PTPRD: variants seen among roughly 807,000 people sequenced by gnomAD.
The protein encoded by PTPRD is protein tyrosine phosphatase receptor type D.
Under a neutral mutation model 214.5 loss-of-function variants are expected in PTPRD, and 34 were observed. That is an observed-to-expected ratio of 0.16 (90% CI 0.12 to 0.21). The LOEUF (loss-of-function observed/expected upper bound fraction) is 0.21. Ranked by LOEUF, PTPRD falls within the 10% of genes least tolerant of loss-of-function variation. The pLI, the probability that PTPRD is intolerant of heterozygous loss-of-function variation, is 1.00. For synonymous variants in PTPRD, 1,128 were observed against 845.7 expected (o/e 1.33, Z -5.79); for missense variants, 2,545 against 2,398.7 (o/e 1.06, Z -1.27).
intron 8 of PTPRD, among the ~76,000 whole-genome samples, chr9:9,422,604 C>A (rs2079222685): frequency 6.6e-6 from 1 of 152,120 alleles, no homozygotes. Context: ...TTTTCTTAAG[C>A]AGTTACCAGG....
At position 9,401,735 on chromosome 9, in the gene PTPRD, A is replaced by AGGCACCCAGTG. The variant is rs1569568007; in HGVS notation, c.-236-4254_-236-4253insCACTGGGTGCC. 9.2e-5 allele frequency among the ~76,000 whole-genome samples: 14 copies of AGGCACCCAGTG among 151,918 alleles called. No homozygotes were observed. The South Asian group carries it at 2.9e-3, about 32-fold the overall frequency. On this transcript the variant is annotated intron_variant, in intron 8 of 45. Coordinates refer to ENST00000381196, the MANE Select transcript of PTPRD (RefSeq NM_002839.4). ...CCATGTGTCCTGGGAGGGACCCAGT[A>AGGCACCCAGTG]GGAGGCAATTGAATCATGGGGGTGG...
intron 9 of PTPRD, among the ~76,000 whole-genome samples, chr9:9,297,619 TAA>T (rs939386417): frequency 1.3e-4 from 20 of 151,824 alleles, no homozygotes; most frequent in African/African-American, 4.1e-4. Context: ...AATTTTTAGT[TAA>T]GAGTTACACA....
chr9:9,521,889 G>A (rs1395086875), intron 8 of PTPRD, among the ~76,000 whole-genome samples: 1 of 152,124 alleles, frequency 6.6e-6, no homozygotes, highest in Non-Finnish European at 1.5e-5. Context: ...CAGGTGCAGT[G>A]GCTCACGCCT....
At chr9:10,465,655 C>A (rs1355939369) in intron 2 of PTPRD, among the ~76,000 whole-genome samples, 1 of 152,300 alleles carries the variant, frequency 6.6e-6, no homozygotes, top group African/African-American at 2.4e-5. Context: ...CAAATACCTA[C>A]ACTGTGCTAC....
chr9:8,713,068 GGTAT>G (rs1305817059), intron 12 of PTPRD, among the ~76,000 whole-genome samples: 1 of 152,128 alleles, frequency 6.6e-6, no homozygotes, highest in Non-Finnish European at 1.5e-5. Flanking sequence ...CAGAAATCTA[GGTAT>G]GTGTGTGTGC....
chr9:9,127,277 G>C (rs2099835495), intron 10 of PTPRD, among the ~76,000 whole-genome samples: 1 of 152,204 alleles, frequency 6.6e-6, no homozygotes, highest in Non-Finnish European at 1.5e-5. Flanking sequence ...GCTGGGAATT[G>C]ATTGCTTTTC....
At chr9:9,267,430 AGGCCAAGACCTCAT>A (rs957859981) in intron 9 of PTPRD, among the ~76,000 whole-genome samples, 1 of 151,306 alleles carries the variant, frequency 6.6e-6, no homozygotes, top group African/African-American at 2.4e-5. Context: ...CATAAAAGAA[AGGCCAAGACCTCAT>A]GGCCTCACTG....
chr9:10,459,172 G>A (rs2098939709), intron 2 of PTPRD, among the ~76,000 whole-genome samples: 1 of 152,130 alleles, frequency 6.6e-6, no homozygotes, highest in South Asian at 2.1e-4. Flanking sequence ...CCTTGTGCCA[G>A]TTTGCTGAGA....
At chr9:10,344,240 T>C (rs1597601306) in intron 2 of PTPRD, among the ~76,000 whole-genome samples, 1 of 152,066 alleles carries the variant, frequency 6.6e-6, no homozygotes, top group Non-Finnish European at 1.5e-5. Flanking sequence ...TTCATCTTTC[T>C]ACATATGGCT....
rs2154320837 is a variant in PTPRD at position 8,633,434 on chromosome 9, C to G, written c.235G>C (p.Gly79Arg). 1 of 1,612,522 alleles carries G rather than the reference C, an allele frequency of 6.2e-7. No individual in the cohort carries two copies. The highest frequency in any genetic ancestry group is 8.5e-7 in the Non-Finnish European group (1 of 1,178,992). Residue 79 changes from glycine (G) to arginine (R), a missense_variant, in exon 14 of 46, where the codon GGA becomes CGA. Coordinates refer to ENST00000381196, the MANE Select transcript of PTPRD (RefSeq NM_002839.4). The stretch of plus-strand genomic sequence containing the variant: ...AAGGGTTGTATTCTGAGAACTGATC[C>G]AGACCCATCGTCAAACTCTATTACC... ...FEVIEFDDGS[G>R]SVLRIQPLRT...
chr9:9,727,755 T>C (rs2098119572), intron 7 of PTPRD, among the ~76,000 whole-genome samples: 1 of 152,200 alleles, frequency 6.6e-6, no homozygotes, highest in Non-Finnish European at 1.5e-5. Flanking sequence ...TAATGAATGC[T>C]ATCCTGATGG....
chr9:9,034,033 G>C (rs997226656), intron 10 of PTPRD, among the ~76,000 whole-genome samples: 2 of 152,060 alleles, frequency 1.3e-5, no homozygotes, highest in East Asian at 3.9e-4. Context: ...AAGCACAGTA[G>C]AAATAAACTT....
At chr9:9,191,835 C>T (rs2099935378) in intron 9 of PTPRD, among the ~76,000 whole-genome samples, 1 of 152,106 alleles carries the variant, frequency 6.6e-6, no homozygotes, top group African/African-American at 2.4e-5. Flanking sequence ...TAAACATATA[C>T]TATTAATAGT....
At chr9:10,539,837 G>C (rs918369046) in intron 2 of PTPRD, among the ~76,000 whole-genome samples, 1 of 152,136 alleles carries the variant, frequency 6.6e-6, no homozygotes, top group African/African-American at 2.4e-5. Context: ...CTTGTTGTAT[G>C]GGTGGCATCA....
chr9:10,224,318 G>A (rs1029229403), intron 3 of PTPRD, among the ~76,000 whole-genome samples: 5 of 151,846 alleles, frequency 3.3e-5, no homozygotes, highest in East Asian at 1.9e-4. Context: ...AAATTTGTAT[G>A]GATTAGAATT....
chr9:9,353,482 G>A (rs1428149796), intron 9 of PTPRD, among the ~76,000 whole-genome samples: 1 of 151,838 alleles, frequency 6.6e-6, no homozygotes, highest in Non-Finnish European at 1.5e-5. Flanking sequence ...TAGAAGGGCT[G>A]GGGCTGGGAG....
chr9:8,972,374 G>C (rs1347163174), intron 11 of PTPRD, among the ~76,000 whole-genome samples: 1 of 151,784 alleles, frequency 6.6e-6, no homozygotes, highest in African/African-American at 2.4e-5. Context: ...CTGATTCAAA[G>C]GATTTTTCCC....
intron 5 of PTPRD, among the ~76,000 whole-genome samples, chr9:9,907,443 C>T (rs558016657): frequency 6.6e-5 from 10 of 151,876 alleles, no homozygotes; most frequent in African/African-American, 7.2e-5. Flanking sequence ...TCTCATGAGG[C>T]CTCCCTTTCT....
chr9:8,834,653 A>C (rs963948906), intron 11 of PTPRD, among the ~76,000 whole-genome samples: 1 of 152,304 alleles, frequency 6.6e-6, no homozygotes, highest in East Asian at 1.9e-4. Context: ...GTAGGTAGGT[A>C]CTCATATTGT....
Sources: allele counts gnomAD v4.1 joint callset (sites outside exome capture counted in the v4.1 genomes callset), GRCh38; gene constraint gnomAD v4.1.1; transcripts MANE v1.5; gene names NCBI Gene and HGNC (gene_info 2026-07-23, HGNC 2026-07-21).